FMN1: variants seen among roughly 807,000 people sequenced by gnomAD.
The protein encoded by FMN1 is formin 1, also known as formin-1.
FMN1 carries 110 observed loss-of-function variants against 132.4 expected under a neutral mutation model. The observed-to-expected ratio is 0.83, with a 90% CI of 0.71 to 0.97. The LOEUF is 0.97. Among genes scored for constraint, FMN1 ranks in the 50% least tolerant of loss-of-function variants. The pLI is 0.00. For synonymous variants in FMN1, 722 were observed against 651.7 expected (o/e 1.11, Z -1.64); for missense variants, 1,792 against 1,705.3 (o/e 1.05, Z -0.90).
chr15:33,120,872 AG>A (rs1212590810), intron 4 of FMN1, among the ~76,000 whole-genome samples: 3 of 152,132 alleles, frequency 2.0e-5, no homozygotes, highest in Non-Finnish European at 2.9e-5. Flanking sequence ...CAAGCTCTCC[AG>A]GACTCTTTCT....
intron 5 of FMN1, chr15:33,066,957 A>G (rs753188363): frequency 1.2e-6 from 2 of 1,613,958 alleles, no homozygotes; most frequent in East Asian, 2.2e-5. Flanking sequence ...GGCTGCGTCA[A>G]TTTGAGCAAA....
chr15:32,914,746 T>C (rs933575454), intron 10 of FMN1, among the ~76,000 whole-genome samples: 5 of 152,234 alleles, frequency 3.3e-5, no homozygotes, highest in African/African-American at 4.8e-5. Context: ...TATAGTGACA[T>C]TGCTAACTAG....
chr15:33,087,129 G>C (rs984387235), intron 5 of FMN1, among the ~76,000 whole-genome samples: 4 of 152,248 alleles, frequency 2.6e-5, no homozygotes, highest in African/African-American at 7.2e-5. Context: ...AGGGATTGCA[G>C]AGAATCACAA....
chr15:32,822,703 G>A (rs1388497732), intron 17 of FMN1, among the ~76,000 whole-genome samples: 1 of 152,114 alleles, frequency 6.6e-6, no homozygotes, highest in African/African-American at 2.4e-5. Flanking sequence ...GGGAAGTAAT[G>A]TTGCATTATT....
In FMN1 at chr15:32,926,254, TTGA is replaced by T; in HGVS notation, c.3143_3145del (p.Ile1048del). On this transcript the variant is annotated inframe_deletion, in exon 10 of 21. Coordinates refer to ENST00000616417, the MANE Select transcript of FMN1 (RefSeq NM_001277313.2). ...TTGAGATCGTTTTCCATCCAACAAT[TTGA>T]TGATCTAAAATTAGAAAAAAAAAAA... 1 of 1,529,774 alleles carries T rather than the reference TTGA, an allele frequency of 6.5e-7. No homozygotes were observed. The highest frequency in any genetic ancestry group is 1.4e-5 in the African/African-American group (1 of 70,964). The allele number at this position is 1,529,774 out of a possible 1,614,324, so 94.8% of individuals were successfully genotyped here.
intron 17 of FMN1, among the ~76,000 whole-genome samples, chr15:32,806,800 C>G (rs2057697766): frequency 6.6e-6 from 1 of 152,304 alleles, no homozygotes; most frequent in East Asian, 1.9e-4. Flanking sequence ...GCATTGAGGT[C>G]TCAGCAGAAG....
At chr15:33,039,937 C>G (rs983994005) in intron 6 of FMN1, among the ~76,000 whole-genome samples, 4 of 152,166 alleles carry the variant, frequency 2.6e-5, no homozygotes, top group African/African-American at 9.7e-5. Context: ...CATATCCATC[C>G]TTGGTATTTC....
intron 9 of FMN1, among the ~76,000 whole-genome samples, chr15:32,950,708 G>A (rs970216605): frequency 1.3e-5 from 2 of 152,082 alleles, no homozygotes; most frequent in African/African-American, 4.8e-5. Context: ...GGTGGGAGGA[G>A]GTTGAGTATC....
chr15:33,135,047 CA>C (rs1963704566), intron 4 of FMN1, among the ~76,000 whole-genome samples: 1 of 152,160 alleles, frequency 6.6e-6, no homozygotes, highest in South Asian at 2.1e-4. Context: ...TACAATGTTT[CA>C]CAGCTAAAAT....
chr15:32,914,059 TCA>T (rs1432871346), intron 10 of FMN1, among the ~76,000 whole-genome samples: 2 of 152,168 alleles, frequency 1.3e-5, no homozygotes, highest in Non-Finnish European at 2.9e-5. Context: ...TGCCCCCAAC[TCA>T]CACACTCGGT....
intron 7 of FMN1, among the ~76,000 whole-genome samples, chr15:32,977,943 G>A (rs1028703010): frequency 3.4e-5 from 5 of 148,988 alleles, no homozygotes; most frequent in East Asian, 2.0e-4. Flanking sequence ...TGCAACCTCC[G>A]CCTCCCACGT....
intron 17 of FMN1, among the ~76,000 whole-genome samples, chr15:32,847,328 A>T (rs958713695): frequency 6.6e-6 from 1 of 152,110 alleles, no homozygotes; most frequent in East Asian, 1.9e-4. Context: ...CTGCTCTAGG[A>T]AAGACCCTGT....
chr15:32,969,601 CA>C lies in FMN1; in HGVS notation c.2224-125del, dbSNP rs1324863262. On this transcript the variant is annotated intron_variant, in intron 7 of 20. Coordinates refer to ENST00000616417, the MANE Select transcript of FMN1 (RefSeq NM_001277313.2). ...TGGCCCACATAAATGCAGGGAAATA[CA>C]GAGACATTCTTTTAAGAATCCATAA... 4.6e-6 allele frequency: 5 copies of C among 1,094,724 alleles called. No homozygotes were observed. In the Admixed American group the frequency reaches 1.4e-4, roughly 30 times the overall value. The allele number at this position is 1,094,724 out of a possible 1,614,324, so 67.8% of individuals were successfully genotyped here. A position where few individuals can be genotyped will look rare whatever the true frequency, so the allele number is the denominator to read the frequency against.
chr15:32,861,795 T>C (rs535570949), intron 16 of FMN1, among the ~76,000 whole-genome samples: 16 of 152,296 alleles, frequency 1.1e-4, no homozygotes, highest in African/African-American at 3.8e-4. Flanking sequence ...CCACCACCCA[T>C]TGTGAGAATT....
chr15:32,894,905 AAC>A (rs1041016085), intron 15 of FMN1, among the ~76,000 whole-genome samples: 28 of 152,028 alleles, frequency 1.8e-4, no homozygotes, highest in African/African-American at 6.5e-4. Flanking sequence ...GTTATTTTGA[AAC>A]ACTGCTTGTA....
intron 17 of FMN1, among the ~76,000 whole-genome samples, chr15:32,836,151 G>A (rs990086814): frequency 3.9e-5 from 6 of 152,088 alleles, no homozygotes; most frequent in African/African-American, 1.4e-4. Flanking sequence ...GTGAGCGACT[G>A]CTCACAGCTG....
intron 16 of FMN1, among the ~76,000 whole-genome samples, chr15:32,882,801 TA>T (rs2059802250): frequency 7.0e-6 from 1 of 142,818 alleles, no homozygotes; most frequent in Non-Finnish European, 1.5e-5. Context: ...TTGACAACCC[TA>T]AGAGTAAGGA....
intron 4 of FMN1, among the ~76,000 whole-genome samples, chr15:33,121,390 G>A (rs944136599): frequency 4.6e-5 from 7 of 152,178 alleles, no homozygotes; most frequent in African/African-American, 1.4e-4. Flanking sequence ...GTTCTGGACT[G>A]TCTATAAATT....
intron 4 of FMN1, among the ~76,000 whole-genome samples, chr15:33,111,597 G>A (rs1358416587): frequency 6.6e-6 from 1 of 152,004 alleles, no homozygotes; most frequent in African/African-American, 2.4e-5. Flanking sequence ...ACTTATGAAT[G>A]GATAAACAAA....
Sources: gnomAD v4.1 joint callset for allele counts (sites outside exome capture counted in the v4.1 genomes callset) on GRCh38, gnomAD v4.1.1 for gene constraint, MANE v1.5 for transcripts, NCBI Gene and HGNC (gene_info 2026-07-23, HGNC 2026-07-21) for gene names.